The following GREB1L variants were observed in gnomAD, a reference collection of about 807,000 sequenced individuals.
GREB1L encodes the protein GREB1-like protein.
In GREB1L, 17 loss-of-function variants were observed where a neutral mutation model predicts 200.8. The ratio of observed to expected loss-of-function variants is 0.08; its 90% CI spans 0.06 to 0.13. The LOEUF (loss-of-function observed/expected upper bound fraction) is 0.13. GREB1L is among the 10% of genes least tolerant of loss of function. GREB1L has a pLI of 1.00. For synonymous variants in GREB1L, 789 were observed against 893.0 expected, an observed-to-expected ratio of 0.88 and a Z score of 2.08; for missense variants, 1,657 against 2,367.7, an observed-to-expected ratio of 0.70 and a Z score of 6.23.
chr18:21,498,987 G>A (rs1223039430), intron 21 of GREB1L, among the ~76,000 whole-genome samples: 1 of 152,212 alleles, frequency 6.6e-6, no homozygotes, highest in East Asian at 1.9e-4. Flanking sequence ...GGTCTGTTAG[G>A]AGGACAAACA....
At chr18:21,376,426 G>GAA (rs568483529) in intron 2 of GREB1L, among the ~76,000 whole-genome samples, 8 of 99,536 alleles carry the variant, frequency 8.0e-5, no homozygotes, top group South Asian at 3.3e-4. Context: ...CTATTTTTAA[G>GAA]AAAAAAAAAA....
chr18:21,282,479 A>G (rs1382901240), intron 1 of GREB1L, among the ~76,000 whole-genome samples: 1 of 152,220 alleles, frequency 6.6e-6, no homozygotes, highest in Non-Finnish European at 1.5e-5. Flanking sequence ...ATGCATAGTT[A>G]TAATTATTGT....
At chr18:21,415,509 G>T (rs779473567) in intron 7 of GREB1L, among the ~76,000 whole-genome samples, 1 of 152,030 alleles carries the variant, frequency 6.6e-6, no homozygotes, top group Admixed American at 6.6e-5. Flanking sequence ...CCAAAGGGAG[G>T]GAGGGAAGGA....
chr18:21,461,117 A>G (rs1429205793), intron 15 of GREB1L, among the ~76,000 whole-genome samples: 1 of 150,316 alleles, frequency 6.7e-6, no homozygotes, highest in Non-Finnish European at 1.5e-5. Flanking sequence ...AAAGAAAAAG[A>G]AAAAAAACCA....
At chr18:21,450,985 C>T in intron 12 of GREB1L, 38 bp from the exon 13 acceptor site, 1 of 1,536,010 alleles carries the variant, frequency 6.5e-7, no homozygotes, top group Non-Finnish European at 8.8e-7. Flanking sequence ...AACATTTGTT[C>T]TGTTGATGAG....
intron 1 of GREB1L, among the ~76,000 whole-genome samples, chr18:21,280,141 G>C (rs2038243695): frequency 6.6e-6 from 1 of 152,110 alleles, no homozygotes. Flanking sequence ...AGCATATCAT[G>C]CAGGATAGTT....
chr18:21,352,453 TG>T (rs1377960065), intron 1 of GREB1L, among the ~76,000 whole-genome samples: 1 of 151,382 alleles, frequency 6.6e-6, no homozygotes, highest in Non-Finnish European at 1.5e-5. Flanking sequence ...TATATATATA[TG>T]TTTTTTATGC....
intron 1 of GREB1L, among the ~76,000 whole-genome samples, chr18:21,344,454 C>T (rs1438165563): frequency 6.6e-6 from 1 of 150,632 alleles, no homozygotes; most frequent in South Asian, 2.1e-4. Context: ...TAGTGTTAGA[C>T]ATTTGGCTTG....
chr18:21,281,467 C>A (rs2038268037), intron 1 of GREB1L, among the ~76,000 whole-genome samples: 1 of 152,136 alleles, frequency 6.6e-6, no homozygotes, highest in Non-Finnish European at 1.5e-5. Flanking sequence ...AAAATAAATG[C>A]ATTTGTACAA....
chr18:21,460,311 A>T (rs2034987943), intron 15 of GREB1L, among the ~76,000 whole-genome samples: 1 of 152,076 alleles, frequency 6.6e-6, no homozygotes, highest in African/African-American at 2.4e-5. Flanking sequence ...AGTAGCTGGG[A>T]TTACAGGCAT....
intron 8 of GREB1L, 29 bp downstream of exon 8, chr18:21,439,666 T>A: frequency 1.5e-6 from 2 of 1,333,644 alleles, no homozygotes; most frequent in South Asian, 1.3e-5. Flanking sequence ...AGTTTTGTAA[T>A]AATGCACTTA....
At chr18:21,277,068 G>A (rs2038180246) in intron 1 of GREB1L, among the ~76,000 whole-genome samples, 1 of 151,718 alleles carries the variant, frequency 6.6e-6, no homozygotes, top group East Asian at 1.9e-4. Flanking sequence ...AGCTGGGACT[G>A]CAGGCACCCA....
intron 15 of GREB1L, among the ~76,000 whole-genome samples, chr18:21,466,132 A>C (rs533366698): frequency 6.6e-6 from 1 of 152,204 alleles, no homozygotes; most frequent in South Asian, 2.1e-4. Flanking sequence ...TAATTCATTC[A>C]TTTTACTGAT....
intron 21 of GREB1L, 36 bp from the exon 22 acceptor site, chr18:21,499,693 G>A: frequency 6.9e-7 from 1 of 1,439,426 alleles, no homozygotes; most frequent in Non-Finnish European, 9.5e-7. Flanking sequence ...CAGTAACAGA[G>A]CTGCTGTGGG....
At chr18:21,312,952 G>T (rs2038815332) in intron 1 of GREB1L, among the ~76,000 whole-genome samples, 2 of 152,064 alleles carry the variant, frequency 1.3e-5, no homozygotes, top group Admixed American at 1.3e-4. Flanking sequence ...TCACATGCTT[G>T]TTGGCTGCAT....
intron 1 of GREB1L, among the ~76,000 whole-genome samples, chr18:21,244,033 T>C (rs1344803824): frequency 6.6e-6 from 1 of 152,250 alleles, no homozygotes; most frequent in Non-Finnish European, 1.5e-5. Flanking sequence ...GACTGAACTA[T>C]ATATTCGTGG....
chr18:21,419,794 C>T (rs530285442), intron 7 of GREB1L, among the ~76,000 whole-genome samples: 3 of 152,296 alleles, frequency 2.0e-5, no homozygotes, highest in South Asian at 2.1e-4. Context: ...CAATGAAGAA[C>T]GGATAGCCTT....
At chr18:21,489,943 A>T in intron 18 of GREB1L, 69 bp from the exon 19 acceptor site, 1 of 1,132,516 alleles carries the variant, frequency 8.8e-7, no homozygotes, top group Non-Finnish European at 1.3e-6. Context: ...CTGCATTCTT[A>T]CTGCACAGGC....
intron 27 of GREB1L, 65 bp downstream of exon 27, chr18:21,508,656 A>G (rs1276559066): frequency 3.6e-6 from 5 of 1,378,434 alleles, no homozygotes; most frequent in African/African-American, 1.4e-5. Flanking sequence ...TTCCCCTGGC[A>G]TGAAACTTTC....
Sources: allele counts gnomAD v4.1 joint callset (sites outside exome capture counted in the v4.1 genomes callset), GRCh38; gene constraint gnomAD v4.1.1; transcripts MANE v1.5; gene names NCBI Gene and HGNC (gene_info 2026-07-23, HGNC 2026-07-21).